TRUB2: variants seen among roughly 807,000 people sequenced by gnomAD.
TRUB2 encodes the protein pseudouridylate synthase TRUB2, mitochondrial.
A neutral mutation model predicts 31.9 loss-of-function variants in TRUB2; 31 were observed. That is an observed-to-expected ratio of 0.97 (90% CI 0.73 to 1.31). The LOEUF is 1.31. Among genes scored for constraint, TRUB2 ranks in the 50% most tolerant of loss-of-function variants. The pLI, the probability that TRUB2 is intolerant of heterozygous loss-of-function variation, is 0.00. For missense variants in TRUB2, 451 were observed against 439.6 expected, an observed-to-expected ratio of 1.03 and a Z score of -0.23; for synonymous variants, 201 against 182.6, an observed-to-expected ratio of 1.10 and a Z score of -0.81.
rs1218897107 is a variant in TRUB2 at position 128,308,995 on chromosome 9, T to C, written c.*555A>G. Reference sequence around the variant, plus strand: ...TACTAGCCATTTGGATTTCTTCTGATACACACTTCATCTCATTTGCCTAAT... The same window carrying C: ...TACTAGCCATTTGGATTTCTTCTGACACACACTTCATCTCATTTGCCTAAT... On this transcript the variant is annotated 3_prime_UTR_variant, in exon 8 of 8. Transcript: ENST00000372890. The C allele has an allele frequency of 6.5e-6, 1 of 153,032 alleles. No homozygotes were observed. The highest frequency in any genetic ancestry group is 1.5e-5 in the Non-Finnish European group (1 of 68,630). The allele number at this position is 153,032 out of a possible 1,614,324, so 9.5% of individuals were successfully genotyped here.
At chr9:128,320,579 G>A (rs1476622171) in intron 2 of TRUB2, among the ~76,000 whole-genome samples, 1 of 151,462 alleles carries the variant, frequency 6.6e-6, no homozygotes, top group African/African-American at 2.4e-5. Context: ...TGATCTGCTC[G>A]CCTCAGCCTC....
Position 128,313,806 on chromosome 9 carries a change from AC to A in TRUB2, c.460+1del, listed in dbSNP as rs764220124. The stretch of plus-strand genomic sequence containing the variant: ...GCAGCGGCAGCCACTTCCGGTTCTC[AC>A]CATAGGTTGTCTTCTCTACCAGCCT... On this transcript the variant is annotated splice_donor_variant, in intron 5 of 7. Transcript: ENST00000372890. LOFTEE classifies it high-confidence loss of function. The A allele has an allele frequency of 6.2e-7, 1 of 1,614,102 alleles. No individual in the cohort carries two copies. Among genetic ancestry groups the A allele is most frequent in the African/African-American group, 1.3e-5 (1 of 75,052 alleles).
chr9:128,316,114 C>T lies in TRUB2; in HGVS notation c.317-486G>A, dbSNP rs147879519. ...TCACCTGAGGTCAGGAGTTTGAGACCAGCTTGGCCAACATGGTGAAACCCC... is the reference window on the plus strand; with the variant it reads ...TCACCTGAGGTCAGGAGTTTGAGACTAGCTTGGCCAACATGGTGAAACCCC... On this transcript the variant is annotated intron_variant, in intron 3 of 7. Coordinates refer to ENST00000372890, the MANE Select transcript of TRUB2 (RefSeq NM_015679.3). 7.0e-3 allele frequency among the ~76,000 whole-genome samples: 1,064 copies of T among 151,718 alleles called. 14 individuals carry two copies. Among genetic ancestry groups the T allele is most frequent in the African/African-American group, 0.025 (1,016 of 41,320 alleles).
chr9:128,310,210 C>A (rs1831944322), intron 7 of TRUB2, among the ~76,000 whole-genome samples: 1 of 152,006 alleles, frequency 6.6e-6, no homozygotes, highest in African/African-American at 2.4e-5. Context: ...CCACCTGCCT[C>A]AGCCTCCGGA....
Position 128,317,153 on chromosome 9 carries a change from A to G in TRUB2, c.315T>C (p.Leu105=). 1 of 1,577,640 alleles carries G rather than the reference A, an allele frequency of 6.3e-7. No homozygotes were observed. Among genetic ancestry groups the G allele is most frequent in the Non-Finnish European group, 8.6e-7 (1 of 1,159,524 alleles). Residue 105 remains leucine, a splice_region_variant and synonymous_variant, in exon 3 of 8, where the codon CTT becomes CTC. Coordinates refer to ENST00000372890, the MANE Select transcript of TRUB2 (RefSeq NM_015679.3). ...HRLDAQASGV[L]VLGVGHGCRL... Reference sequence around the variant, plus strand: ...CCCCAGGCTTCTCACATCACCTACCAAGTACTCCAGAAGCCTGGGCATCCA... The same window carrying G: ...CCCCAGGCTTCTCACATCACCTACCGAGTACTCCAGAAGCCTGGGCATCCA...
chr9:128,306,076 TC>T lies in TRUB2; in HGVS notation c.*3473del, dbSNP rs1489203142. Reference sequence around the variant, plus strand: ...TACATTTTTAACAATCGTTGATTGTTCAACTCCATCCGTCTCAGAGTTAAAG... The same window carrying T: ...TACATTTTTAACAATCGTTGATTGTTAACTCCATCCGTCTCAGAGTTAAAG... On this transcript the variant is annotated 3_prime_UTR_variant, in exon 8 of 8. Coordinates refer to ENST00000372890, the MANE Select transcript of TRUB2 (RefSeq NM_015679.3). 2 of 152,192 alleles carry T rather than the reference TC, an allele frequency of 1.3e-5. No homozygotes were observed. Among genetic ancestry groups the T allele is most frequent in the Non-Finnish European group, 2.9e-5 (2 of 68,042 alleles). 9.4% of individuals were successfully genotyped at this position (152,192 alleles called of 1,614,324 possible). A position where few individuals can be genotyped will look rare whatever the true frequency, so the allele number is the denominator to read the frequency against.
rs764482132 is a variant in TRUB2, at chr9:128,309,841, C to T, written c.705G>A (p.Leu235=). Residue 235 remains leucine, a synonymous_variant, in exon 8 of 8, where the codon CTG becomes CTA. Transcript: ENST00000372890. The part of the protein sequence containing the change: ...VQCMHETQKE[L]RKLVHEIGLE... ...GGCCGATTTCATGAACCAACTTCCG[C>T]AGCTCTTTCTGCGTCTCATGCATGC... 3.7e-6 allele frequency: 6 copies of T among 1,614,198 alleles called. No homozygotes were observed. The East Asian group carries it at 1.3e-4, about 36-fold the overall frequency.
In TRUB2 at chr9:128,315,637, C is replaced by T; in HGVS notation, c.317-9G>A. 6.2e-7 allele frequency: 1 copy of T among 1,612,558 alleles called. No homozygotes were observed. The highest frequency in any genetic ancestry group is 1.3e-5 in the African/African-American group (1 of 74,950). On this transcript the variant is annotated splice_polypyrimidine_tract_variant and intron_variant, in intron 3 of 7. Coordinates refer to ENST00000372890, the MANE Select transcript of TRUB2 (RefSeq NM_015679.3). The stretch of plus-strand genomic sequence containing the variant: ...ATGTCCCACGCCGAGCACTGAAAAG[C>T]AGCCAGCGTCATCTCACACCTGGGA...
chr9:128,309,898 G>C, intron 7 of TRUB2, 23 bp from the exon 8 acceptor site: 1 of 1,607,220 alleles, frequency 6.2e-7, no homozygotes, highest in Non-Finnish European at 8.5e-7. Context: ...CACAATGACA[G>C]ACATGGTGGT....
At chr9:128,312,977 A>G (rs1301549505) in intron 5 of TRUB2, among the ~76,000 whole-genome samples, 1 of 150,674 alleles carries the variant, frequency 6.6e-6, no homozygotes, top group Non-Finnish European at 1.5e-5. Flanking sequence ...GCACTTTGGG[A>G]GGCCGAGGTG....
chr9:128,322,285 G>A lies in TRUB2; in HGVS notation c.109+15C>T. On this transcript the variant is annotated intron_variant, in intron 1 of 7. Transcript: ENST00000372890. ...GAACGAGAGCGGGAACGTGGGTCTG[G>A]TTCGAGGCACTCACCCTTCAGAAGT... 1 of 1,606,576 alleles carries A rather than the reference G, an allele frequency of 6.2e-7. No individual in the cohort carries two copies. Among genetic ancestry groups the A allele is most frequent in the Non-Finnish European group, 8.5e-7 (1 of 1,173,106 alleles).
At chr9:128,311,050 TG>T (rs111383751) in intron 6 of TRUB2, 27 bp from the exon 7 acceptor site, 119,778 of 1,609,110 alleles carry the variant, frequency 0.074, 10,467 homozygotes, top group African/African-American at 0.45. Context: ...GGGCTGCAGC[TG>T]GGTGGCCCAC....
At position 128,311,105 on chromosome 9, in the gene TRUB2, C is replaced by T. The variant is rs1831962088; in HGVS notation, c.534-82G>A. The T allele has an allele frequency of 2.6e-6, 4 of 1,560,740 alleles. No homozygotes were observed. In the South Asian group the frequency reaches 4.6e-5, roughly 18 times the overall value. ...GAGGTGCCTCTCTGGAAGCTCCTCA[C>T]TTGCTTTGTGTGCCCTGCCACCGTG... On this transcript the variant is annotated intron_variant, in intron 6 of 7. Transcript: ENST00000372890.
At chr9:128,313,402 G>C (rs189564380) in intron 5 of TRUB2, among the ~76,000 whole-genome samples, 5,777 of 150,732 alleles carry the variant, frequency 0.038, 160 homozygotes, top group Non-Finnish European at 0.061. Flanking sequence ...CGGGCGTGGT[G>C]GCGGGCGCCT....
rs377135272 is a variant in TRUB2 at position 128,322,293 on chromosome 9, C to T, written c.109+7G>A. 1.2e-6 allele frequency: 2 copies of T among 1,610,910 alleles called. No homozygotes were observed. Among genetic ancestry groups the T allele is most frequent in the South Asian group, 2.2e-5 (2 of 91,018 alleles). ...GCGGGAACGTGGGTCTGGTTCGAGG[C>T]ACTCACCCTTCAGAAGTTGTAGCTC... On this transcript the variant is annotated splice_region_variant and intron_variant, in intron 1 of 7. Coordinates refer to ENST00000372890, the MANE Select transcript of TRUB2 (RefSeq NM_015679.3).
At chr9:128,310,047 G>A (rs1456919399) in intron 7 of TRUB2, among the ~76,000 whole-genome samples, 172 bp from the exon 8 acceptor site, 1 of 152,110 alleles carries the variant, frequency 6.6e-6, no homozygotes, top group East Asian at 1.9e-4. Context: ...CACCTGAAAT[G>A]TGTTAAGACT....
Position 128,310,149 on chromosome 9 carries a change from A to G in TRUB2, c.671-274T>C, listed in dbSNP as rs117643741. Among the ~76,000 whole-genome samples the G allele has an allele frequency of 3.9e-3, 590 of 151,946 alleles. 18 individuals carry two copies. In the East Asian group the frequency reaches 0.083, roughly 21 times the overall value. ...CATTCCATCACCCAGGCTGGAGTGC[A>G]GTGGTGTGATAACAGATCACTGCAG... is the stretch of plus-strand genomic sequence containing the variant. On this transcript the variant is annotated intron_variant, in intron 7 of 7. Transcript: ENST00000372890.
chr9:128,317,294 G>T, intron 2 of TRUB2, 68 bp from the exon 3 acceptor site: 1 of 1,435,126 alleles, frequency 7.0e-7, no homozygotes, highest in Non-Finnish European at 9.6e-7. Flanking sequence ...TGGGCTGCAT[G>T]TTGACCTCGT....
At chr9:128,315,470 G>C (rs200986347) in intron 4 of TRUB2, 97 bp downstream of exon 4, 2 of 1,257,800 alleles carry the variant, frequency 1.6e-6, no homozygotes, top group East Asian at 5.1e-5. Context: ...CTTATGGCTT[G>C]GGTGTTCCCC....
Sources: gnomAD v4.1 joint callset for allele counts (sites outside exome capture counted in the v4.1 genomes callset) on GRCh38, gnomAD v4.1.1 for gene constraint, MANE v1.5 for transcripts, NCBI Gene and HGNC (gene_info 2026-07-23, HGNC 2026-07-21) for gene names.